Variants in TGM7 observed in about 807,000 individuals in gnomAD.
TGM7 encodes the protein transglutaminase 7, also known as protein-glutamine gamma-glutamyltransferase Z.
A neutral mutation model predicts 79.5 loss-of-function variants in TGM7; 74 were observed. That is an observed-to-expected ratio of 0.93 (90% CI 0.77 to 1.13). The LOEUF (loss-of-function observed/expected upper bound fraction) is 1.13, where lower values mean the gene tolerates loss of function less well. Ranked by LOEUF, TGM7 falls within the 50% of genes most tolerant of loss-of-function variation. The pLI, the probability that TGM7 is intolerant of heterozygous loss-of-function variation, is 0.00. For missense variants in TGM7, 912 were observed against 905.9 expected, an observed-to-expected ratio of 1.01 and a Z score of -0.09; for synonymous variants, 354 against 362.5, an observed-to-expected ratio of 0.98 and a Z score of 0.27.
intron 7 of TGM7, among the ~76,000 whole-genome samples, chr15:43,283,733 A>T (rs1308944832): frequency 1.3e-5 from 2 of 152,254 alleles, no homozygotes; most frequent in East Asian, 3.8e-4. Flanking sequence ...GAGACAATTC[A>T]GACCTCTAGG....
rs1348350279 is a variant in TGM7 at position 43,287,299 on chromosome 15, G to A, written c.846C>T (p.Phe282=). 13 of 1,613,372 alleles carry A rather than the reference G, an allele frequency of 8.1e-6. No individual in the cohort carries two copies. The highest frequency in any genetic ancestry group is 1.1e-5 in the Non-Finnish European group (13 of 1,179,980). The part of the protein sequence containing the change: ...QPVKYGQCWV[F]ASVMCTVMRC... Reference sequence around the variant, plus strand: ...GCTCACCGGTGCACATAACAGAGGCGAAGACCCAGCACTGTCCGTACTTCA... The same window carrying A: ...GCTCACCGGTGCACATAACAGAGGCAAAGACCCAGCACTGTCCGTACTTCA... The change falls in exon 6 of 13, where the codon TTC becomes TTT. Residue 282 remains phenylalanine, a synonymous_variant. Coordinates refer to ENST00000452443, the MANE Select transcript of TGM7 (RefSeq NM_052955.3).
chr15:43,301,896 C>T (rs1366011057), intron 1 of TGM7, among the ~76,000 whole-genome samples: 3 of 152,106 alleles, frequency 2.0e-5, no homozygotes, highest in African/African-American at 7.2e-5. Flanking sequence ...CCCACAGCTT[C>T]AGAGTTGGCC....
At chr15:43,286,438 T>G (rs2042936079) in intron 6 of TGM7, among the ~76,000 whole-genome samples, 1 of 152,090 alleles carries the variant, frequency 6.6e-6, no homozygotes, top group Non-Finnish European at 1.5e-5. Context: ...CTAGCCCCAT[T>G]TCACACCTGG....
intron 4 of TGM7, among the ~76,000 whole-genome samples, chr15:43,288,450 CCT>C (rs1213699258): frequency 6.6e-6 from 1 of 152,050 alleles, no homozygotes; most frequent in Non-Finnish European, 1.5e-5. Flanking sequence ...CCAAGTTCCC[CCT>C]CTCTACGTTG....
In TGM7 at chr15:43,279,832, G is replaced by A. The variant is rs758686758; in HGVS notation, c.1471C>T (p.Gln491Ter). Residue 491 changes from glutamine to a stop codon, truncating the protein, a stop_gained, in exon 10 of 13, where the codon CAG becomes TAG. Coordinates refer to ENST00000452443, the MANE Select transcript of TGM7 (RefSeq NM_052955.3). LOFTEE classifies it high-confidence loss of function. ...ESGGLRDQPA[Q>*]LQLHLARIPE... ...ATCCTGGCCAGGTGAAGCTGCAGCTGCGCTGGCTGATCCCTAAGACCCCCA... is the reference window on the plus strand; with the variant it reads ...ATCCTGGCCAGGTGAAGCTGCAGCTACGCTGGCTGATCCCTAAGACCCCCA... 1 of 1,614,244 alleles carries A rather than the reference G, an allele frequency of 6.2e-7. No homozygotes were observed. The highest frequency in any genetic ancestry group is 8.5e-7 in the Non-Finnish European group (1 of 1,180,052).
In TGM7 at chr15:43,278,596, A is replaced by T. The variant is rs761232879; in HGVS notation, c.1839+521T>A. On this transcript the variant is annotated intron_variant, in intron 11 of 12. Transcript: ENST00000452443. ...CTCCTGAGTATCTGGGACTAGAGGC[A>T]TGCACCACCACACCAGCTAACTTTT... 3.3e-5 allele frequency among the ~76,000 whole-genome samples: 5 copies of T among 152,158 alleles called. No homozygotes were observed. In the South Asian group the frequency reaches 1.0e-3, roughly 31 times the overall value.
chr15:43,283,961 A>C (rs2042921981), intron 7 of TGM7, among the ~76,000 whole-genome samples: 1 of 152,210 alleles, frequency 6.6e-6, no homozygotes, highest in African/African-American at 2.4e-5. Flanking sequence ...TAATCCCAGC[A>C]CTTTGGGAGG....
intron 1 of TGM7, among the ~76,000 whole-genome samples, chr15:43,297,624 A>AGAAG (rs1456478441): frequency 1.3e-5 from 2 of 151,604 alleles, no homozygotes; most frequent in East Asian, 3.9e-4. Context: ...AAAGAAAGAA[A>AGAAG]GAAAGAAAGA....
At chr15:43,291,046 AC>A (rs1256071916) in intron 4 of TGM7, among the ~76,000 whole-genome samples, 1 of 152,072 alleles carries the variant, frequency 6.6e-6, no homozygotes, top group African/African-American at 2.4e-5. Flanking sequence ...CTAATTGAAT[AC>A]CCTTTATTTC....
intron 7 of TGM7, among the ~76,000 whole-genome samples, chr15:43,284,406 T>C (rs1372114850): frequency 6.6e-6 from 1 of 151,402 alleles, no homozygotes; most frequent in Non-Finnish European, 1.5e-5. Flanking sequence ...AGGGAGTGGG[T>C]TGGGCAGAGG....
At position 43,287,426 on chromosome 15, in the gene TGM7, T is replaced by C. The variant is rs562108206; in HGVS notation, c.719A>G (p.Gln240Arg). ...INSNDDNGVL[Q>R]GNWGEDYSKG... The stretch of plus-strand genomic sequence containing the variant: ...GGAGTAGTCCTCGCCCCAGTTCCCC[T>C]GCAGCACGCCATTGTCATCGTTGCT... Residue 240 changes from glutamine to arginine, a missense_variant, in exon 6 of 13, where the codon CAG becomes CGG. Physicochemically the swap from Gln to Arg is conservative, Grantham distance 43. Coordinates refer to ENST00000452443, the MANE Select transcript of TGM7 (RefSeq NM_052955.3). 2.5e-6 allele frequency: 4 copies of C among 1,614,008 alleles called. No individual in the cohort carries two copies. The highest frequency in any genetic ancestry group is 3.4e-6 in the Non-Finnish European group (4 of 1,180,024).
intron 11 of TGM7, 67 bp from the exon 12 acceptor site, chr15:43,277,062 C>G: frequency 5.1e-6 from 8 of 1,576,082 alleles, no homozygotes. Flanking sequence ...GTTCAGTTAC[C>G]CCCACCCCCA....
chr15:43,280,218 C>G (rs931649219), intron 9 of TGM7, among the ~76,000 whole-genome samples: 1 of 152,140 alleles, frequency 6.6e-6, no homozygotes, highest in Non-Finnish European at 1.5e-5. Context: ...GGACTCAGCA[C>G]TGTTTTCTAC....
At chr15:43,287,768 G>A in intron 4 of TGM7, 99 bp from the exon 5 acceptor site, 2 of 1,409,930 alleles carry the variant, frequency 1.4e-6, no homozygotes, top group Non-Finnish European at 1.9e-6. Flanking sequence ...CATGTATATG[G>A]GGATGTGGGG....
In TGM7 at chr15:43,287,436, C is replaced by G; in HGVS notation, c.709G>C (p.Gly237Arg). Residue 237 changes from glycine (G) to arginine (R), a missense_variant, in exon 6 of 13, where the codon GGC (glycine) becomes CGC (arginine). Gly to Arg is a moderately radical substitution (Grantham distance 125, BLOSUM62 -2). Coordinates refer to ENST00000452443, the MANE Select transcript of TGM7 (RefSeq NM_052955.3). ...TCGCCCCAGTTCCCCTGCAGCACGC[C>G]ATTGTCATCGTTGCTGTTGATCTGC... ...SAMINSNDDN[G>R]VLQGNWGEDY... 1 of 1,614,092 alleles carries G rather than the reference C, an allele frequency of 6.2e-7. No individual in the cohort carries two copies. The highest frequency in any genetic ancestry group is 8.5e-7 in the Non-Finnish European group (1 of 1,180,032).
At chr15:43,286,599 C>T (rs2042936752) in intron 6 of TGM7, among the ~76,000 whole-genome samples, 1 of 152,192 alleles carries the variant, frequency 6.6e-6, no homozygotes, top group Admixed American at 6.5e-5. Context: ...ATTCTCTGCT[C>T]CTCCTTTCTC....
chr15:43,294,460 T>C (rs1287264733), intron 1 of TGM7, among the ~76,000 whole-genome samples: 3 of 152,192 alleles, frequency 2.0e-5, no homozygotes, highest in Non-Finnish European at 4.4e-5. Flanking sequence ...ATCTGAAAAA[T>C]GGAGACAATT....
At chr15:43,287,237 A>G in intron 6 of TGM7, 43 bp downstream of exon 6, 2 of 1,583,390 alleles carry the variant, frequency 1.3e-6, no homozygotes, top group Non-Finnish European at 1.7e-6. Flanking sequence ...CTTCTCTGAT[A>G]ATGAAGTTAA....
At position 43,287,286 on chromosome 15, in the gene TGM7, A is replaced by C; in HGVS notation, c.859T>G (p.Cys287Gly). 6.2e-7 allele frequency: 1 copy of C among 1,613,054 alleles called. No individual in the cohort carries two copies. Among genetic ancestry groups the C allele is most frequent in the South Asian group, 1.1e-5 (1 of 91,004 alleles). Residue 287 changes from cysteine to glycine, a missense_variant, in exon 6 of 13, where the codon TGC (cysteine) becomes GGC (glycine). Physicochemically the swap from Cys to Gly is radical, Grantham distance 159 (BLOSUM62 -3). Transcript: ENST00000452443. ...TGAGTGATCTTTCGCTCACCGGTGCACATAACAGAGGCGAAGACCCAGCAC... is the reference window on the plus strand; with the variant it reads ...TGAGTGATCTTTCGCTCACCGGTGCCCATAACAGAGGCGAAGACCCAGCAC... Reference protein sequence around the residue: ...GQCWVFASVMCTVMRCLGVPT... With the variant: ...GQCWVFASVMGTVMRCLGVPT...
Sources: allele counts gnomAD v4.1 joint callset (sites outside exome capture counted in the v4.1 genomes callset), GRCh38; gene constraint gnomAD v4.1.1; transcripts MANE v1.5; gene names NCBI Gene and HGNC (gene_info 2026-07-23, HGNC 2026-07-21).